Variants in KIAA1328 observed in about 807,000 individuals in gnomAD.
KIAA1328 encodes the protein protein hinderin.
Under a neutral mutation model 68.1 loss-of-function variants are expected in KIAA1328, and 52 were observed. The ratio of observed to expected loss-of-function variants is 0.76; its 90% CI spans 0.61 to 0.96. KIAA1328 has a LOEUF of 0.96. Ranked by LOEUF, KIAA1328 falls within the 40% of genes least tolerant of loss-of-function variation. The probability of loss-of-function intolerance (pLI) is 0.00; values close to 1 mark genes in which losing one functional copy is unlikely to be tolerated. For synonymous variants in KIAA1328, 232 were observed against 239.4 expected, an observed-to-expected ratio of 0.97 and a Z score of 0.28; for missense variants, 641 against 677.6, an observed-to-expected ratio of 0.95 and a Z score of 0.60.
chr18:37,028,512 C>CTTTT (rs575689979), intron 6 of KIAA1328, among the ~76,000 whole-genome samples: 1 of 146,900 alleles, frequency 6.8e-6, no homozygotes. Flanking sequence ...GGTTAGATGC[C>CTTTT]TTTTTTTTTT....
chr18:37,157,816 A>AG (rs1385759790), intron 7 of KIAA1328, among the ~76,000 whole-genome samples: 1 of 151,096 alleles, frequency 6.6e-6, no homozygotes, highest in Admixed American at 6.6e-5. Flanking sequence ...CCAAAAAAAA[A>AG]AAAAAAAAAA....
intron 4 of KIAA1328, among the ~76,000 whole-genome samples, chr18:36,852,451 C>G (rs751688790): frequency 4.6e-5 from 7 of 152,220 alleles, no homozygotes; most frequent in Middle Eastern, 6.8e-3. Flanking sequence ...GTCTGTCGCC[C>G]AGTAGTAATG....
At chr18:37,079,502 T>C (rs2151791426) in intron 7 of KIAA1328, among the ~76,000 whole-genome samples, 1 of 150,588 alleles carries the variant, frequency 6.6e-6, no homozygotes, top group Non-Finnish European at 1.5e-5. Flanking sequence ...AAAATAAAAA[T>C]AAAAATAAAA....
chr18:36,898,995 C>T (rs1179640042), intron 5 of KIAA1328, among the ~76,000 whole-genome samples: 1 of 151,702 alleles, frequency 6.6e-6, no homozygotes, highest in Non-Finnish European at 1.5e-5. Context: ...TTTTTCTTGC[C>T]TTCTTGCAAC....
intron 3 of KIAA1328, among the ~76,000 whole-genome samples, chr18:36,841,891 CT>C (rs2046870832): frequency 6.6e-6 from 1 of 151,680 alleles, no homozygotes; most frequent in African/African-American, 2.4e-5. Flanking sequence ...GTGTGATTTG[CT>C]TTTTATTTCA....
At chr18:37,039,449 T>C (rs2055156943) in intron 6 of KIAA1328, among the ~76,000 whole-genome samples, 1 of 151,828 alleles carries the variant, frequency 6.6e-6, no homozygotes, top group African/African-American at 2.4e-5. Context: ...AATCTCGCTC[T>C]GTTGCCAGGC....
Position 36,973,826 on chromosome 18 carries a change from C to CAT in KIAA1328, c.576+14392_576+14393insTA, listed in dbSNP as rs1556844290. On this transcript the variant is annotated intron_variant, in intron 6 of 9. Coordinates refer to ENST00000280020, the MANE Select transcript of KIAA1328 (RefSeq NM_020776.3). ...GTGTACGCACATACACACACACACACACATACACACACACACACACACACA... is the reference window on the plus strand; with the variant it reads ...GTGTACGCACATACACACACACACACATACATACACACACACACACACACACA... 2.4e-4 allele frequency among the ~76,000 whole-genome samples: 24 copies of CAT among 100,030 alleles called. No homozygotes were observed. The East Asian group carries it at 7.8e-3, about 32-fold the overall frequency. 65.6% of individuals were successfully genotyped at this position (100,030 alleles called of 152,430 possible).
chr18:37,074,404 T>G (rs1333207430), intron 7 of KIAA1328, among the ~76,000 whole-genome samples: 1 of 152,170 alleles, frequency 6.6e-6, no homozygotes, highest in Non-Finnish European at 1.5e-5. Flanking sequence ...AGTGCAGCTA[T>G]TTCTCCCTGT....
intron 9 of KIAA1328, among the ~76,000 whole-genome samples, chr18:37,221,452 GTGTC>G (rs1568551140): frequency 6.6e-6 from 1 of 152,122 alleles, no homozygotes; most frequent in Admixed American, 6.5e-5. Flanking sequence ...TGAACCAAGC[GTGTC>G]TGTCTGTGAA....
At position 36,959,353 on chromosome 18, in the gene KIAA1328, A is replaced by G. The variant is rs1318327184; in HGVS notation, c.494A>G (p.Tyr165Cys). 4 of 1,606,518 alleles carry G rather than the reference A, an allele frequency of 2.5e-6. No homozygotes were observed. Among genetic ancestry groups the G allele is most frequent in the Middle Eastern group, 1.7e-4 (1 of 5,734 alleles). The stretch of plus-strand genomic sequence containing the variant: ...GAATGCCAAGAACTTCTAAGCCTGT[A>G]TCAGAAATATTTATCAGAACAACAG... Reference protein sequence around the residue: ...YRECQELLSLYQKYLSEQQEK... With the variant: ...YRECQELLSLCQKYLSEQQEK... Residue 165 changes from tyrosine (Y) to cysteine (C), a missense_variant, in exon 6 of 10, where the codon TAT (tyrosine) becomes TGT (cysteine). Tyr to Cys is a radical substitution (Grantham distance 194, BLOSUM62 -2). Transcript: ENST00000280020.
At chr18:36,966,152 CTG>C (rs1017730229) in intron 6 of KIAA1328, among the ~76,000 whole-genome samples, 1 of 152,200 alleles carries the variant, frequency 6.6e-6, no homozygotes, top group African/African-American at 2.4e-5. Context: ...GAAAAGGAAA[CTG>C]TGGCAATCAA....
At chr18:37,048,567 A>C (rs2055568316) in intron 6 of KIAA1328, among the ~76,000 whole-genome samples, 1 of 149,580 alleles carries the variant, frequency 6.7e-6, no homozygotes, top group Admixed American at 6.8e-5. Context: ...AACCCTTTTC[A>C]TGGAACATTG....
chr18:37,193,837 C>A, intron 9 of KIAA1328: 1 of 583,588 alleles, frequency 1.7e-6, no homozygotes, highest in Non-Finnish European at 3.0e-6. Flanking sequence ...CTCAGTCTCT[C>A]AACCAAGTAC....
At chr18:37,153,528 A>G (rs779856991) in intron 7 of KIAA1328, among the ~76,000 whole-genome samples, 6 of 151,006 alleles carry the variant, frequency 4.0e-5, no homozygotes, top group Non-Finnish European at 7.4e-5. Flanking sequence ...TTTTCCCTCT[A>G]TATATACCTA....
intron 6 of KIAA1328, among the ~76,000 whole-genome samples, chr18:37,006,329 A>G (rs2053781390): frequency 6.6e-6 from 1 of 152,066 alleles, no homozygotes; most frequent in Non-Finnish European, 1.5e-5. Flanking sequence ...TCTGAGTCTC[A>G]CAAAATACTG....
At chr18:37,149,236 T>C (rs539696112) in intron 7 of KIAA1328, among the ~76,000 whole-genome samples, 1 of 152,190 alleles carries the variant, frequency 6.6e-6, no homozygotes, top group Admixed American at 6.5e-5. Flanking sequence ...TGGAACAGAA[T>C]AGAAGACACA....
chr18:36,920,139 C>A (rs2049861842), intron 5 of KIAA1328, among the ~76,000 whole-genome samples: 1 of 152,106 alleles, frequency 6.6e-6, no homozygotes. Flanking sequence ...ACGCCAATAT[C>A]CAGAATGGTA....
chr18:36,904,050 C>T (rs2151041922), intron 5 of KIAA1328, among the ~76,000 whole-genome samples: 1 of 152,202 alleles, frequency 6.6e-6, no homozygotes, highest in East Asian at 1.9e-4. Context: ...AAGACATGGG[C>T]AGTAGAGAAA....
At chr18:37,024,287 C>T (rs1344529053) in intron 6 of KIAA1328, among the ~76,000 whole-genome samples, 1 of 151,756 alleles carries the variant, frequency 6.6e-6, no homozygotes, top group Non-Finnish European at 1.5e-5. Flanking sequence ...AGGCATGAGC[C>T]ACCATGCCTG....
Sources: gnomAD v4.1 joint callset for allele counts (sites outside exome capture counted in the v4.1 genomes callset) on GRCh38, gnomAD v4.1.1 for gene constraint, MANE v1.5 for transcripts, NCBI Gene and HGNC (gene_info 2026-07-23, HGNC 2026-07-21) for gene names.